Variants in CTDSPL2 observed in about 807,000 individuals in gnomAD.
CTDSPL2 encodes the protein CTD small phosphatase like 2.
CTDSPL2 carries 5 observed loss-of-function variants against 60.0 expected under a neutral mutation model. The observed-to-expected ratio is 0.08, with a 90% CI of 0.04 to 0.18. CTDSPL2 has a LOEUF of 0.18. Among genes scored for constraint, CTDSPL2 ranks in the 10% least tolerant of loss-of-function variants. CTDSPL2 has a pLI of 1.00. For missense variants in CTDSPL2, 370 were observed against 548.8 expected (o/e 0.67, Z 3.26); for synonymous variants, 186 against 189.3 (o/e 0.98, Z 0.14).
chr15:44,504,256 AG>A (rs1350834678), intron 8 of CTDSPL2, among the ~76,000 whole-genome samples: 1 of 152,036 alleles, frequency 6.6e-6, no homozygotes, highest in Non-Finnish European at 1.5e-5. Flanking sequence ...AGGCTGAGGC[AG>A]GAAAATCACT....
chr15:44,445,249 G>A (rs572384044), intron 1 of CTDSPL2, among the ~76,000 whole-genome samples: 5 of 151,882 alleles, frequency 3.3e-5, no homozygotes, highest in East Asian at 1.9e-4. Flanking sequence ...GTGCAGTGAC[G>A]CAGTCACAGC....
At chr15:44,509,991 AC>A (rs2081538379) in intron 8 of CTDSPL2, among the ~76,000 whole-genome samples, 2 of 149,730 alleles carry the variant, frequency 1.3e-5, no homozygotes, top group African/African-American at 2.5e-5. Flanking sequence ...AGTTCACAAC[AC>A]CTTTTTTTTT....
intron 2 of CTDSPL2, among the ~76,000 whole-genome samples, chr15:44,477,666 G>A (rs1429086450): frequency 6.6e-6 from 1 of 151,748 alleles, no homozygotes; most frequent in African/African-American, 2.4e-5. Flanking sequence ...GAGAAACCCT[G>A]TCTCTACTAA....
At chr15:44,494,387 G>A (rs2081263252) in intron 5 of CTDSPL2, among the ~76,000 whole-genome samples, 1 of 152,262 alleles carries the variant, frequency 6.6e-6, no homozygotes, top group Middle Eastern at 3.4e-3. Context: ...AGGAGGATCT[G>A]TTCAGCCCAG....
In CTDSPL2 at chr15:44,526,476, C is replaced by G. The variant is rs910585659; in HGVS notation, c.*2302C>G. The G allele has an allele frequency of 6.6e-6, 1 of 152,050 alleles. No homozygotes were observed. The highest frequency in any genetic ancestry group is 2.4e-5 in the African/African-American group (1 of 41,418). The allele number at this position is 152,050 out of a possible 1,614,324, so 9.4% of individuals were successfully genotyped here. ...TTTTCAGTCCCACACTAGGAGAGTT[C>G]CTTTAAGTCAGCTGATCAAGCATAA... On this transcript the variant is annotated 3_prime_UTR_variant, in exon 13 of 13. Transcript: ENST00000260327.
intron 5 of CTDSPL2, among the ~76,000 whole-genome samples, chr15:44,492,168 CA>C (rs1195660049): frequency 2.0e-5 from 3 of 151,908 alleles, no homozygotes; most frequent in African/African-American, 4.8e-5. Context: ...TGCGCCCGGC[CA>C]AAAAAAATTT....
At chr15:44,522,090 G>A (rs1052685096) in intron 12 of CTDSPL2, among the ~76,000 whole-genome samples, 14 of 152,068 alleles carry the variant, frequency 9.2e-5, no homozygotes, top group African/African-American at 3.1e-4. Context: ...CTGCAATGTA[G>A]TAGCACAATC....
At chr15:44,480,040 C>T (rs568328977) in intron 2 of CTDSPL2, among the ~76,000 whole-genome samples, 3 of 152,184 alleles carry the variant, frequency 2.0e-5, no homozygotes, top group Admixed American at 2.0e-4. Context: ...TGTCTTTTCT[C>T]TCTGTGCCTG....
Position 44,527,374 on chromosome 15 carries a change from A to G in CTDSPL2, c.*3200A>G, listed in dbSNP as rs184415382. 6.6e-6 allele frequency: 1 copy of G among 152,292 alleles called. No individual in the cohort carries two copies. Among genetic ancestry groups the G allele is most frequent in the Admixed American group, 6.5e-5 (1 of 15,278 alleles). The allele number at this position is 152,292 out of a possible 1,614,324, so 9.4% of individuals were successfully genotyped here. On this transcript the variant is annotated 3_prime_UTR_variant, in exon 13 of 13. Coordinates refer to ENST00000260327, the MANE Select transcript of CTDSPL2 (RefSeq NM_016396.3). ...AGATCTTACTTTCATTCAACCTTCT[A>G]AAGAAGTTCGTTTCTCATTGTTTTG...
intron 2 of CTDSPL2, among the ~76,000 whole-genome samples, chr15:44,478,408 C>G (rs1248765659): frequency 8.3e-6 from 1 of 120,080 alleles, no homozygotes; most frequent in Non-Finnish European, 1.6e-5. Context: ...GCTGAGATTG[C>G]ACCACTGCAC....
intron 1 of CTDSPL2, among the ~76,000 whole-genome samples, chr15:44,444,665 CTTAGCTCTAATGT>C (rs1193652742): frequency 1.3e-5 from 2 of 149,868 alleles, no homozygotes; most frequent in Non-Finnish European, 3.0e-5. Context: ...TTCTAAGAGT[CTTAGCTCTAATGT>C]TTAGGTATTT....
intron 2 of CTDSPL2, among the ~76,000 whole-genome samples, chr15:44,482,806 A>G (rs1595744824): frequency 6.6e-6 from 1 of 152,224 alleles, no homozygotes; most frequent in South Asian, 2.1e-4. Flanking sequence ...GCTGTAGGGT[A>G]AAAACATTAA....
At chr15:44,451,014 C>G (rs549044709) in intron 1 of CTDSPL2, among the ~76,000 whole-genome samples, 2 of 152,228 alleles carry the variant, frequency 1.3e-5, no homozygotes, top group Admixed American at 1.3e-4. Context: ...CATGTTAAAA[C>G]AAGCAGACTA....
chr15:44,490,788 G>C lies in CTDSPL2; in HGVS notation c.480G>C (p.Thr160=). The change falls in exon 5 of 13, where the codon ACG becomes ACC. Residue 160 remains threonine (T), a synonymous_variant. Coordinates refer to ENST00000260327, the MANE Select transcript of CTDSPL2 (RefSeq NM_016396.3). ...NFFSPANKNG[T]SGSDSPGQAV... is the part of the protein sequence containing the mutation. ...TACACTGAATCATGATTTCAGGAAC[G>C]TCAGGATCAGATTCTCCAGGACAGG... 1 of 1,612,002 alleles carries C rather than the reference G, an allele frequency of 6.2e-7. No individual in the cohort carries two copies. The highest frequency in any genetic ancestry group is 2.2e-5 in the East Asian group (1 of 44,834).
chr15:44,518,882 A>G (rs1343680010), intron 10 of CTDSPL2: 1 of 176,602 alleles, frequency 5.7e-6, no homozygotes, highest in African/African-American at 2.3e-5. Context: ...AATTACAAAA[A>G]CAATTTAGAG....
In CTDSPL2 at chr15:44,443,239, C is replaced by T. The variant is rs559121590; in HGVS notation, c.-25+15467C>T. ...ACGTTCATAATATATATCAGAATTTCCTTCCTTTTTAAGGCTGAATACTAC... is the reference window on the plus strand; with the variant it reads ...ACGTTCATAATATATATCAGAATTTTCTTCCTTTTTAAGGCTGAATACTAC... On this transcript the variant is annotated intron_variant, in intron 1 of 12. Coordinates refer to ENST00000260327, the MANE Select transcript of CTDSPL2 (RefSeq NM_016396.3). Among the ~76,000 whole-genome samples the T allele has an allele frequency of 2.0e-4, 30 of 152,296 alleles. No homozygotes were observed. The South Asian group carries it at 4.6e-3, about 23-fold the overall frequency.
chr15:44,459,432 C>T (rs913308845), intron 2 of CTDSPL2, among the ~76,000 whole-genome samples: 7 of 152,092 alleles, frequency 4.6e-5, no homozygotes, highest in East Asian at 3.8e-4. Flanking sequence ...GAGGCTGAGG[C>T]AGGAGAATGG....
chr15:44,434,282 C>G (rs56409205), intron 1 of CTDSPL2, among the ~76,000 whole-genome samples: 2 of 152,090 alleles, frequency 1.3e-5, no homozygotes, highest in Non-Finnish European at 2.9e-5. Context: ...TGCCTGTAGT[C>G]CCAGCTACTC....
rs139999991 is a variant in CTDSPL2 at position 44,506,831 on chromosome 15, A to G, written c.969+7018A>G. 8.0e-4 allele frequency among the ~76,000 whole-genome samples: 121 copies of G among 152,076 alleles called. No individual in the cohort carries two copies. In the East Asian group the frequency reaches 0.017, roughly 21 times the overall value. On this transcript the variant is annotated intron_variant, in intron 8 of 12. Transcript: ENST00000260327. The stretch of plus-strand genomic sequence containing the variant: ...GCCCAGGCTGGAATGCAGTGGCACA[A>G]TCTTGGCTCACTGCCAGCTCCGCCT...
Sources: gnomAD v4.1 joint callset for allele counts (sites outside exome capture counted in the v4.1 genomes callset) on GRCh38, gnomAD v4.1.1 for gene constraint, MANE v1.5 for transcripts, NCBI Gene and HGNC (gene_info 2026-07-23, HGNC 2026-07-21) for gene names.